LAMA2: variants seen among roughly 807,000 people sequenced by gnomAD.
LAMA2 encodes the protein laminin subunit alpha-2.
A neutral mutation model predicts 364.8 loss-of-function variants in LAMA2; 269 were observed. That is an observed-to-expected ratio of 0.74 (90% CI 0.67 to 0.82). The LOEUF is 0.82. Ranked by LOEUF, LAMA2 falls within the 40% of genes least tolerant of loss-of-function variation. LAMA2 has a pLI of 0.00. For synonymous variants in LAMA2, 1,379 were observed against 1,370.6 expected (o/e 1.01, Z -0.14); for missense variants, 3,807 against 3,873.2 (o/e 0.98, Z 0.45).
intron 1 of LAMA2, among the ~76,000 whole-genome samples, chr6:129,044,358 A>C (rs1787320556): frequency 1.3e-5 from 2 of 152,136 alleles, no homozygotes; most frequent in South Asian, 4.1e-4. Context: ...GATTTTGAGA[A>C]TGTAGATCAT....
chr6:128,972,574 T>C (rs1188470018), intron 1 of LAMA2, among the ~76,000 whole-genome samples: 1 of 152,182 alleles, frequency 6.6e-6, no homozygotes, highest in East Asian at 1.9e-4. Context: ...GGAACTATGG[T>C]TGAATCTTTT....
At chr6:128,906,769 G>A (rs538692549) in intron 1 of LAMA2, among the ~76,000 whole-genome samples, 3 of 150,514 alleles carry the variant, frequency 2.0e-5, no homozygotes, top group Non-Finnish European at 4.5e-5. Flanking sequence ...ATGGTTTTAG[G>A]TCTAACGTTT....
At chr6:129,422,929 A>G (rs990876011) in intron 40 of LAMA2, among the ~76,000 whole-genome samples, 1 of 152,134 alleles carries the variant, frequency 6.6e-6, no homozygotes, top group Non-Finnish European at 1.5e-5. Flanking sequence ...ACATAGATGT[A>G]AAAGTTCATG....
chr6:129,210,107 ATTAT>A (rs1428667232), intron 12 of LAMA2, among the ~76,000 whole-genome samples: 1 of 151,784 alleles, frequency 6.6e-6, no homozygotes. Flanking sequence ...TCCCCAAGTG[ATTAT>A]TTACCCATAA....
At chr6:129,438,793 A>AAAACT in intron 42 of LAMA2, 31 bp downstream of exon 42, 6 of 1,091,276 alleles carry the variant, frequency 5.5e-6, no homozygotes, top group Non-Finnish European at 8.5e-6. Context: ...CAACTGTGTC[A>AAAACT]GTTGACCTGA....
intron 35 of LAMA2, among the ~76,000 whole-genome samples, chr6:129,387,030 A>G (rs1779054071): frequency 6.6e-6 from 1 of 152,082 alleles, no homozygotes; most frequent in South Asian, 2.1e-4. Context: ...AGTAATTGCA[A>G]CAATTGATAA....
chr6:129,151,168 A>G (rs1778770142), intron 7 of LAMA2, among the ~76,000 whole-genome samples: 1 of 152,164 alleles, frequency 6.6e-6, no homozygotes, highest in East Asian at 1.9e-4. Flanking sequence ...CTACAGACAG[A>G]AAGTGGGGCT....
chr6:129,113,176 G>T (rs2494935), intron 4 of LAMA2, among the ~76,000 whole-genome samples: 151,160 of 152,184 alleles, frequency 0.99, 75,080 homozygotes, highest in Middle Eastern at 1. Flanking sequence ...TTACATAATG[G>T]GAGGGTCACT....
intron 1 of LAMA2, among the ~76,000 whole-genome samples, chr6:128,985,439 C>T (rs1783165177): frequency 6.6e-6 from 1 of 152,062 alleles, no homozygotes; most frequent in Non-Finnish European, 1.5e-5. Context: ...GGGGGATTGA[C>T]TTACCTTAAT....
At chr6:129,250,969 C>T (rs1369199209) in intron 13 of LAMA2, among the ~76,000 whole-genome samples, 2 of 150,746 alleles carry the variant, frequency 1.3e-5, no homozygotes, top group African/African-American at 4.9e-5. Flanking sequence ...TGGACATTTT[C>T]CAGTATTGGA....
In LAMA2 at chr6:129,086,668, T is replaced by G. The variant is rs564507286; in HGVS notation, c.397-11505T>G. On this transcript the variant is annotated intron_variant, in intron 3 of 64. Coordinates refer to ENST00000421865, the MANE Select transcript of LAMA2 (RefSeq NM_000426.4). ...GTTGCTCCATAATGTACTAGTCAGG[T>G]GAAGTAGCACAAATTACCTAGTGTA... Among the ~76,000 whole-genome samples the G allele has an allele frequency of 2.0e-5, 3 of 152,330 alleles. No homozygotes were observed. The South Asian group carries it at 6.2e-4, about 32-fold the overall frequency.
At chr6:129,237,139 G>A (rs1410445031) in intron 12 of LAMA2, among the ~76,000 whole-genome samples, 1 of 152,078 alleles carries the variant, frequency 6.6e-6, no homozygotes, top group Non-Finnish European at 1.5e-5. Context: ...GGTTGTGTGT[G>A]GTGTTTTGAG....
chr6:129,273,798 G>T (rs1044034741), intron 17 of LAMA2, among the ~76,000 whole-genome samples: 21 of 151,908 alleles, frequency 1.4e-4, no homozygotes, highest in African/African-American at 5.1e-4. Flanking sequence ...TTTTAAAAAT[G>T]CATATAACAC....
intron 34 of LAMA2, among the ~76,000 whole-genome samples, chr6:129,380,805 T>A (rs1778641309): frequency 6.6e-6 from 1 of 152,170 alleles, no homozygotes; most frequent in South Asian, 2.1e-4. Context: ...ATCATGGAGT[T>A]TGTAGGATTC....
chr6:128,976,103 G>T (rs537844569), intron 1 of LAMA2, among the ~76,000 whole-genome samples: 1 of 152,312 alleles, frequency 6.6e-6, no homozygotes, highest in South Asian at 2.1e-4. Context: ...CCTGAACTAA[G>T]ATGGTGGCAG....
At chr6:129,374,074 A>G (rs907024619) in intron 34 of LAMA2, among the ~76,000 whole-genome samples, 2 of 152,210 alleles carry the variant, frequency 1.3e-5, no homozygotes, top group Admixed American at 6.5e-5. Context: ...CTCATTAATT[A>G]CTTTTTTCCT....
intron 12 of LAMA2, among the ~76,000 whole-genome samples, chr6:129,209,648 A>G (rs1418354221): frequency 1.3e-5 from 2 of 152,186 alleles, no homozygotes; most frequent in Non-Finnish European, 2.9e-5. Context: ...TATTGCTATG[A>G]AAGTCTCTCA....
intron 8 of LAMA2, chr6:129,157,758 A>G: frequency 6.2e-7 from 1 of 1,612,586 alleles, no homozygotes; most frequent in Non-Finnish European, 8.5e-7. Flanking sequence ...ATAATATGGC[A>G]ATTGGTAGTC....
At chr6:128,997,087 G>A (rs1425114891) in intron 1 of LAMA2, among the ~76,000 whole-genome samples, 1 of 151,850 alleles carries the variant, frequency 6.6e-6, no homozygotes, top group Non-Finnish European at 1.5e-5. Context: ...GAGAACATAT[G>A]GACGGACACA....
Sources: gnomAD v4.1 joint callset for allele counts (sites outside exome capture counted in the v4.1 genomes callset) on GRCh38, gnomAD v4.1.1 for gene constraint, MANE v1.5 for transcripts, NCBI Gene and HGNC (gene_info 2026-07-23, HGNC 2026-07-21) for gene names.